The following ZNF79 variants were observed in gnomAD, a reference collection of about 807,000 sequenced individuals.
ZNF79 encodes zinc finger protein 79.
A neutral mutation model predicts 14.9 loss-of-function variants in ZNF79; 13 were observed. The ratio of observed to expected loss-of-function variants is 0.87; its 90% confidence interval spans 0.57 to 1.38. The LOEUF (loss-of-function observed/expected upper bound fraction) is 1.38, where lower values mean the gene tolerates loss of function less well. Among genes scored for constraint, ZNF79 ranks in the 40% most tolerant of loss-of-function variants. ZNF79 has a pLI of 0.00. For synonymous variants in ZNF79, 223 were observed against 235.1 expected, an observed-to-expected ratio of 0.95 and a Z score of 0.47; for missense variants, 631 against 630.6, an observed-to-expected ratio of 1.00 and a Z score of -0.01.
intron 4 of ZNF79, among the ~76,000 whole-genome samples, chr9:127,442,644 C>G (rs149610257): frequency 6.6e-6 from 1 of 152,114 alleles, no homozygotes; most frequent in African/African-American, 2.4e-5. Context: ...CGGAGGATCC[C>G]TTGAGCCCAG....
chr9:127,424,870 C>T (rs1833722623), intron 1 of ZNF79, 67 bp downstream of exon 1: 2 of 1,607,804 alleles, frequency 1.2e-6, no homozygotes, highest in African/African-American at 2.7e-5. Context: ...ACGACTGCCG[C>T]TGTGTGAGCC....
chr9:127,437,795 T>C (rs546620930), intron 4 of ZNF79, among the ~76,000 whole-genome samples: 1 of 152,176 alleles, frequency 6.6e-6, no homozygotes, highest in East Asian at 1.9e-4. Context: ...GATTTCCTTC[T>C]TTTTAGGGCA....
At chr9:127,442,110 T>A (rs1834059405) in intron 4 of ZNF79, among the ~76,000 whole-genome samples, 2 of 151,260 alleles carry the variant, frequency 1.3e-5, no homozygotes, top group Admixed American at 6.6e-5. Flanking sequence ...AGAGCGAAGC[T>A]CCATATTAGG....
At chr9:127,426,176 G>C (rs1430613654) in intron 1 of ZNF79, among the ~76,000 whole-genome samples, 1 of 152,132 alleles carries the variant, frequency 6.6e-6, no homozygotes, top group Non-Finnish European at 1.5e-5. Flanking sequence ...GTGGTTTTTA[G>C]TATTTTCACA....
rs1450848569 is a variant in ZNF79, at chr9:127,439,091, G to A, written c.328+3088G>A. ...CGTGCCACTGCACTCCAGCCTGGGC[G>A]ACTAAGCGAGACTCTGTCACAAAAA... On this transcript the variant is annotated intron_variant, in intron 4 of 4. Coordinates refer to ENST00000342483, the MANE Select transcript of ZNF79 (RefSeq NM_007135.3). Among the ~76,000 whole-genome samples the A allele has an allele frequency of 4.4e-5, 6 of 136,944 alleles. No homozygotes were observed. The Admixed American group carries it at 4.7e-4, about 11-fold the overall frequency. 89.8% of individuals were successfully genotyped at this position (136,944 alleles called of 152,430 possible). A position where few individuals can be genotyped will look rare whatever the true frequency, so the allele number is the denominator to read the frequency against.
At chr9:127,426,020 C>T (rs903152721) in intron 1 of ZNF79, among the ~76,000 whole-genome samples, 1 of 152,174 alleles carries the variant, frequency 6.6e-6, no homozygotes, top group African/African-American at 2.4e-5. Flanking sequence ...CCCCATACTG[C>T]AAAACAGGAA....
At chr9:127,434,148 C>T (rs1480452525) in intron 2 of ZNF79, among the ~76,000 whole-genome samples, 1 of 152,156 alleles carries the variant, frequency 6.6e-6, no homozygotes, top group African/African-American at 2.4e-5. Context: ...TGCTTCTGCT[C>T]ATGGTGCCTC....
At position 127,445,050 on chromosome 9, in the gene ZNF79, T is replaced by A; in HGVS notation, c.1350T>A (p.Cys450Ter). Residue 450 changes from cysteine to a stop codon, truncating the protein, a stop_gained, in exon 5 of 5, where the codon TGT becomes TGA. Transcript: ENST00000342483. LOFTEE classifies it high-confidence loss of function. ...TGEKPYECNECGKAFNQSSSL... is the reference protein window; with the variant it reads ...TGEKPYECNE ...AAAAACCTTATGAGTGTAATGAGTG[T>A]GGTAAAGCGTTTAACCAGAGCTCAT... 1 of 1,614,056 alleles carries A rather than the reference T, an allele frequency of 6.2e-7. No individual in the cohort carries two copies. The highest frequency in any genetic ancestry group is 2.2e-5 in the East Asian group (1 of 44,868).
intron 4 of ZNF79, among the ~76,000 whole-genome samples, chr9:127,440,084 G>C (rs541812454): frequency 1.3e-5 from 2 of 152,030 alleles, no homozygotes; most frequent in Non-Finnish European, 2.9e-5. Context: ...GGATGGTCTC[G>C]ATCTCCTGAC....
At chr9:127,438,190 C>T (rs977234300) in intron 4 of ZNF79, among the ~76,000 whole-genome samples, 1 of 152,174 alleles carries the variant, frequency 6.6e-6, no homozygotes, top group African/African-American at 2.4e-5. Context: ...GAGATAGCAT[C>T]AGATCCCACT....
At chr9:127,440,894 C>T (rs1834037070) in intron 4 of ZNF79, among the ~76,000 whole-genome samples, 1 of 152,096 alleles carries the variant, frequency 6.6e-6, no homozygotes, top group Non-Finnish European at 1.5e-5. Context: ...GGAAGATTAA[C>T]AAAGGCGCTG....
rs577942662 is a variant in ZNF79 at position 127,436,885 on chromosome 9, C to T, written c.328+882C>T. ...CAGCCTGGCCAACATGGTAAAACCC[C>T]ATCTCAACTAAAAATACAAAAAAAT... On this transcript the variant is annotated intron_variant, in intron 4 of 4. Transcript: ENST00000342483. 3.9e-5 allele frequency among the ~76,000 whole-genome samples: 6 copies of T among 152,050 alleles called. No individual in the cohort carries two copies. The South Asian group carries it at 1.2e-3, about 32-fold the overall frequency.
At chr9:127,431,255 TTTTC>T (rs1403569484) in intron 2 of ZNF79, among the ~76,000 whole-genome samples, 9 of 151,502 alleles carry the variant, frequency 5.9e-5, no homozygotes, top group Non-Finnish European at 1.2e-4. Flanking sequence ...TTTCTTTTTC[TTTTC>T]TTTTTTTTTT....
Position 127,444,301 on chromosome 9 carries a change from G to A in ZNF79, c.601G>A (p.Ala201Thr), listed in dbSNP as rs1369473236. The stretch of plus-strand genomic sequence containing the variant: ...ATATGCATGTAATGAATGTGGCAAA[G>A]CCTTCAGTTACTGTTCTTCCCTTTC... Reference protein sequence around the residue: ...KPYACNECGKAFSYCSSLSQH... With the variant: ...KPYACNECGKTFSYCSSLSQH... Residue 201 changes from alanine (A) to threonine (T), a missense_variant, in exon 5 of 5, where the codon GCC becomes ACC. Transcript: ENST00000342483. 1.2e-6 allele frequency: 2 copies of A among 1,614,052 alleles called. No homozygotes were observed. The highest frequency in any genetic ancestry group is 3.3e-5 in the Admixed American group (2 of 59,996).
intron 1 of ZNF79, among the ~76,000 whole-genome samples, chr9:127,427,385 T>G (rs1452474660): frequency 6.7e-6 from 1 of 149,830 alleles, no homozygotes; most frequent in Admixed American, 6.7e-5. Context: ...ATTGTGCCAT[T>G]GCACTCTAGT....
chr9:127,425,300 A>G (rs1833731136), intron 1 of ZNF79, among the ~76,000 whole-genome samples: 1 of 152,254 alleles, frequency 6.6e-6, no homozygotes, highest in South Asian at 2.1e-4. Context: ...GGTACCAGCC[A>G]GGTCTCTTAA....
In ZNF79 at chr9:127,435,212, A is replaced by G. The variant is rs1315600512; in HGVS notation, c.228A>G (p.Leu76=). 5 of 1,588,640 alleles carry G rather than the reference A, an allele frequency of 3.1e-6. No individual in the cohort carries two copies. Among genetic ancestry groups the G allele is most frequent in the Non-Finnish European group, 4.3e-6 (5 of 1,172,194 alleles). ...CAGGAAAGTCCAGGAGCCTTGTCCT[A>G]CTAGGTAAGGAAACTGTTTCTTTAA... The part of the protein sequence containing the change: ...GIPGKSRSLV[L]LGLPVSQPGM... Residue 76 remains leucine (L), a synonymous_variant, in exon 3 of 5, where the codon CTA becomes CTG. Coordinates refer to ENST00000342483, the MANE Select transcript of ZNF79 (RefSeq NM_007135.3).
In ZNF79 at chr9:127,424,812, T is replaced by C. The variant is rs1227236773; in HGVS notation, c.16+9T>C. On this transcript the variant is annotated intron_variant, in intron 1 of 4. Transcript: ENST00000342483. ...AATGCTGGAGGAAGGAGGTGAGGAG[T>C]GGTAGAGGGAGCGATTGTCAAGAGA... 1.2e-6 allele frequency: 2 copies of C among 1,611,930 alleles called. No homozygotes were observed. The highest frequency in any genetic ancestry group is 8.5e-7 in the Non-Finnish European group (1 of 1,179,454).
chr9:127,434,849 G>A (rs898934156), intron 2 of ZNF79, among the ~76,000 whole-genome samples: 2 of 152,076 alleles, frequency 1.3e-5, no homozygotes, highest in African/African-American at 2.4e-5. Context: ...GGGTTTTGCC[G>A]TGTTGGCCAG....
Sources: gnomAD v4.1 joint callset for allele counts (sites outside exome capture counted in the v4.1 genomes callset) on GRCh38, gnomAD v4.1.1 for gene constraint, MANE v1.5 for transcripts, NCBI Gene and HGNC (gene_info 2026-07-23, HGNC 2026-07-21) for gene names.